Variants in STOX2 observed in about 807,000 individuals in gnomAD.
STOX2 encodes storkhead-box protein 2.
STOX2 carries 28 observed loss-of-function variants against 60.9 expected under a neutral mutation model. The observed-to-expected ratio is 0.46, with a 90% confidence interval of 0.34 to 0.63. The LOEUF is 0.63. Among genes scored for constraint, STOX2 ranks in the 30% least tolerant of loss-of-function variants. STOX2 has a pLI of 0.01. For missense variants in STOX2, 1,024 were observed against 1,187.7 expected (o/e 0.86, Z 2.03); for synonymous variants, 472 against 463.9 (o/e 1.02, Z -0.22).
chr4:183,979,798 G>A lies in STOX2; in HGVS notation c.167-21527G>A, dbSNP rs1732583123. Among the ~76,000 whole-genome samples the A allele has an allele frequency of 1.6e-4, 25 of 152,196 alleles. 1 individual carries two copies. The South Asian group carries it at 5.0e-3, about 30-fold the overall frequency. ...GAAAGTAAAAGGAGAAAAACTGAGAGCTTATGATTTTTTAGTTAAAAATCC... is the reference window on the plus strand; with the variant it reads ...GAAAGTAAAAGGAGAAAAACTGAGAACTTATGATTTTTTAGTTAAAAATCC... On this transcript the variant is annotated intron_variant, in intron 1 of 3. Transcript: ENST00000308497.
At chr4:183,979,285 A>C (rs1732564971) in intron 1 of STOX2, among the ~76,000 whole-genome samples, 1 of 152,024 alleles carries the variant, frequency 6.6e-6, no homozygotes, top group Admixed American at 6.6e-5. Context: ...TAACTCACTC[A>C]CTCACTGTCA....
chr4:183,851,285 G>C (rs1579333771), intron 1 of STOX2, among the ~76,000 whole-genome samples: 4 of 76,914 alleles, frequency 5.2e-5, no homozygotes, highest in Admixed American at 1.3e-4. Flanking sequence ...ATGAGGGAAA[G>C]GATGAGAGAA....
At chr4:183,985,615 T>C (rs1197726459) in intron 1 of STOX2, among the ~76,000 whole-genome samples, 1 of 152,204 alleles carries the variant, frequency 6.6e-6, no homozygotes, top group African/African-American at 2.4e-5. Flanking sequence ...TTAGAAATTA[T>C]GACTACATTT....
At chr4:183,837,067 C>G (rs1259357194) in intron 1 of STOX2, among the ~76,000 whole-genome samples, 2 of 152,076 alleles carry the variant, frequency 1.3e-5, no homozygotes, top group African/African-American at 4.8e-5. Flanking sequence ...AGACTGACAT[C>G]TATGCTGGTG....
intron 1 of STOX2, among the ~76,000 whole-genome samples, chr4:183,981,687 G>A (rs1732662956): frequency 6.6e-6 from 1 of 152,096 alleles, no homozygotes; most frequent in Admixed American, 6.5e-5. Context: ...ATATTGATTA[G>A]AACAACTTAG....
chr4:183,865,966 A>G lies in STOX2; in HGVS notation c.364+67911A>G, dbSNP rs1740556111. On this transcript the variant is annotated intron_variant, in intron 1 of 2. Coordinates refer to the STOX2 transcript ENST00000513034. The surrounding 1 kb of genome is among the most constrained non-coding windows in gnomAD (Gnocchi z 4.1). ...AGGAAAAATGGAAGACGGAGTTGAC[A>G]CAGGTGAATAAAATGAGGGTTCCAC... 6.6e-6 allele frequency among the ~76,000 whole-genome samples: 1 copy of G among 152,190 alleles called. No individual in the cohort carries two copies. The highest frequency in any genetic ancestry group is 1.9e-4 in the East Asian group (1 of 5,194).
At chr4:183,841,686 C>T (rs1391498290) in intron 1 of STOX2, among the ~76,000 whole-genome samples, 1 of 152,060 alleles carries the variant, frequency 6.6e-6, no homozygotes, top group African/African-American at 2.4e-5. Flanking sequence ...AAAATAGAGA[C>T]AGAAAAAAAT....
At chr4:183,926,973 G>A (rs1354728334) in intron 1 of STOX2, among the ~76,000 whole-genome samples, 1 of 152,152 alleles carries the variant, frequency 6.6e-6, no homozygotes, top group Admixed American at 6.5e-5. Context: ...GATGGAAACT[G>A]GGCAAAAGTA....
chr4:183,799,734 T>C lies in STOX2; in HGVS notation c.364+1679T>C, dbSNP rs143194374. On this transcript the variant is annotated intron_variant, in intron 1 of 2. Coordinates refer to the STOX2 transcript ENST00000513034. ...GTAAATATTTCAGTATGCTCATGTA[T>C]TTTTTTTATTTCAGCAGAATTTATA... 1.1e-4 allele frequency among the ~76,000 whole-genome samples: 17 copies of C among 151,780 alleles called. No individual in the cohort carries two copies. In the East Asian group the frequency reaches 3.1e-3, roughly 28 times the overall value.
At chr4:183,852,654 G>A (rs1579335904) in intron 1 of STOX2, among the ~76,000 whole-genome samples, 1 of 152,208 alleles carries the variant, frequency 6.6e-6, no homozygotes, top group African/African-American at 2.4e-5. Flanking sequence ...TACCTCGGAA[G>A]CAGCATTCCC....
chr4:183,963,045 TA>T (rs1743456266), intron 1 of STOX2, among the ~76,000 whole-genome samples: 1 of 152,174 alleles, frequency 6.6e-6, no homozygotes, highest in Non-Finnish European at 1.5e-5. Context: ...GACAAAATCT[TA>T]ATTCTTCTAC....
intron 1 of STOX2, among the ~76,000 whole-genome samples, chr4:183,837,749 G>A (rs1277826762): frequency 2.0e-5 from 3 of 152,134 alleles, no homozygotes; most frequent in African/African-American, 7.2e-5. Context: ...GTGAGCCACC[G>A]CACCTGGCCT....
At chr4:183,983,168 C>T (rs534335623) in intron 1 of STOX2, among the ~76,000 whole-genome samples, 1 of 152,302 alleles carries the variant, frequency 6.6e-6, no homozygotes, top group African/African-American at 2.4e-5. Flanking sequence ...CTCATCTTGC[C>T]TCTCCCCACC....
chr4:183,899,955 G>T (rs566205897), intron 1 of STOX2, among the ~76,000 whole-genome samples: 1 of 152,276 alleles, frequency 6.6e-6, no homozygotes, highest in East Asian at 1.9e-4. Flanking sequence ...GGGGCTAATG[G>T]AGCTGGTGAC....
rs114358866 is a variant in STOX2, at chr4:183,816,400, A to G, written c.364+18345A>G. ...ATCCTAAGTAAATTAATGCAGAAAC[A>G]GAAAGTTAATATCATATGTTCTCAC... On this transcript the variant is annotated intron_variant, in intron 1 of 2. Transcript: ENST00000513034. Among the ~76,000 whole-genome samples, 1,373 of 152,364 alleles carry G rather than the reference A, an allele frequency of 9.0e-3. 18 individuals carry two copies. The highest frequency in any genetic ancestry group is 0.031 in the African/African-American group (1,295 of 41,576).
At chr4:183,861,016 CAAA>C (rs1740428541) in intron 1 of STOX2, among the ~76,000 whole-genome samples, 1 of 152,184 alleles carries the variant, frequency 6.6e-6, no homozygotes, top group South Asian at 2.1e-4. Flanking sequence ...TTTGGAGAAA[CAAA>C]TCCTTTTCAG....
At chr4:183,946,317 A>G (rs760470318) in intron 1 of STOX2, among the ~76,000 whole-genome samples, 3 of 152,196 alleles carry the variant, frequency 2.0e-5, no homozygotes, top group Non-Finnish European at 2.9e-5. Flanking sequence ...GACTGTTGTC[A>G]GGAGGATTAA....
At chr4:183,923,635 G>A (rs946091070) in intron 1 of STOX2, among the ~76,000 whole-genome samples, 1 of 152,220 alleles carries the variant, frequency 6.6e-6, no homozygotes, top group African/African-American at 2.4e-5. Context: ...GTACACTTGT[G>A]ATTCTTTAAG....
chr4:183,820,006 A>G (rs1473140963), intron 1 of STOX2, among the ~76,000 whole-genome samples: 1 of 152,186 alleles, frequency 6.6e-6, no homozygotes, highest in Non-Finnish European at 1.5e-5. Context: ...TAAAATCCCA[A>G]TGAATATTAG....
Sources: allele counts gnomAD v4.1 joint callset (sites outside exome capture counted in the v4.1 genomes callset), GRCh38; gene constraint gnomAD v4.1.1; non-coding constraint Gnocchi (gnomAD v3.1); transcripts MANE v1.5; gene names NCBI Gene and HGNC (gene_info 2026-07-23, HGNC 2026-07-21).